The following ZSWIM5 variants were observed in gnomAD, a reference collection of about 807,000 sequenced individuals.
ZSWIM5 encodes zinc finger SWIM domain-containing protein 5.
In ZSWIM5, 55 loss-of-function variants were observed where a neutral mutation model predicts 119.6. The observed-to-expected ratio is 0.46, with a 90% CI of 0.37 to 0.58. The LOEUF is 0.58. Among genes scored for constraint, ZSWIM5 ranks in the 20% least tolerant of loss-of-function variants. ZSWIM5 has a pLI of 0.00. For missense variants in ZSWIM5, 1,193 were observed against 1,512.8 expected, an observed-to-expected ratio of 0.79 and a Z score of 3.51; for synonymous variants, 537 against 606.9, an observed-to-expected ratio of 0.88 and a Z score of 1.69.
chr1:45,174,375 C>T (rs1645963613), intron 1 of ZSWIM5, among the ~76,000 whole-genome samples: 1 of 151,922 alleles, frequency 6.6e-6, no homozygotes, highest in Admixed American at 6.6e-5. Context: ...AAAACATATT[C>T]TCTTAAACAA....
intron 1 of ZSWIM5, among the ~76,000 whole-genome samples, chr1:45,124,501 C>T (rs61788430): frequency 0.073 from 11,018 of 151,696 alleles, 491 homozygotes; most frequent in Non-Finnish European, 0.1. Flanking sequence ...AGATCAAAAT[C>T]GAATTCTAAA....
At chr1:45,183,608 A>G (rs1646036785) in intron 1 of ZSWIM5, among the ~76,000 whole-genome samples, 1 of 152,238 alleles carries the variant, frequency 6.6e-6, no homozygotes, top group Non-Finnish European at 1.5e-5. Flanking sequence ...CCATCAGAGA[A>G]TACTACAAAC....
At chr1:45,098,612 A>G (rs982671947) in intron 1 of ZSWIM5, among the ~76,000 whole-genome samples, 1 of 152,228 alleles carries the variant, frequency 6.6e-6, no homozygotes, top group South Asian at 2.1e-4. Context: ...TCAGCACCAC[A>G]TCGCACTTAT....
At position 45,050,032 on chromosome 1, in the gene ZSWIM5, G is replaced by A. The variant is rs188669203; in HGVS notation, c.1432+1042C>T. Reference sequence around the variant, plus strand: ...AAAATTTTCATGATTTCCTCCTTGAGACTGAAAATACCAATAGAGTTATTT... The same window carrying A: ...AAAATTTTCATGATTTCCTCCTTGAAACTGAAAATACCAATAGAGTTATTT... On this transcript the variant is annotated intron_variant, in intron 5 of 13. Coordinates refer to ENST00000359600, the MANE Select transcript of ZSWIM5 (RefSeq NM_020883.2). Among the ~76,000 whole-genome samples, 470 of 152,088 alleles carry A rather than the reference G, an allele frequency of 3.1e-3. 8 individuals carry two copies. The highest frequency in any genetic ancestry group is 1.1e-3 in the Non-Finnish European group (76 of 68,006).
chr1:45,035,894 T>C, intron 9 of ZSWIM5, 71 bp from the exon 10 acceptor site: 2 of 1,592,740 alleles, frequency 1.3e-6, no homozygotes, highest in Non-Finnish European at 1.7e-6. Context: ...TGAGCCCCAG[T>C]ATCTCATGCA....
At chr1:45,194,359 C>T (rs980458851) in intron 1 of ZSWIM5, among the ~76,000 whole-genome samples, 2 of 151,984 alleles carry the variant, frequency 1.3e-5, no homozygotes, top group African/African-American at 4.8e-5. Flanking sequence ...TATGTTTATA[C>T]CTAAAAGAAG....
At chr1:45,056,543 A>G (rs1320262422) in intron 4 of ZSWIM5, among the ~76,000 whole-genome samples, 1 of 151,886 alleles carries the variant, frequency 6.6e-6, no homozygotes, top group East Asian at 1.9e-4. Flanking sequence ...GCAGTGAGCC[A>G]AGACTGTGCC....
At chr1:45,153,108 A>G (rs1004772488) in intron 1 of ZSWIM5, among the ~76,000 whole-genome samples, 2 of 151,458 alleles carry the variant, frequency 1.3e-5, no homozygotes, top group Non-Finnish European at 2.9e-5. Flanking sequence ...AAAAAAAAAA[A>G]AAGAAAAAAG....
intron 3 of ZSWIM5, among the ~76,000 whole-genome samples, chr1:45,059,495 G>A (rs1269962452): frequency 6.6e-6 from 1 of 152,110 alleles, no homozygotes; most frequent in East Asian, 1.9e-4. Flanking sequence ...GGTTTCTTAG[G>A]GCTGAGGGAG....
At chr1:45,075,877 ATT>A (rs58309693) in intron 2 of ZSWIM5, among the ~76,000 whole-genome samples, 17 of 127,090 alleles carry the variant, frequency 1.3e-4, no homozygotes, top group South Asian at 5.0e-4. Context: ...TAGCTGTTGT[ATT>A]TTTTTTTTTT....
intron 1 of ZSWIM5, among the ~76,000 whole-genome samples, chr1:45,094,704 G>A (rs539413280): frequency 6.6e-6 from 1 of 152,106 alleles, no homozygotes; most frequent in Non-Finnish European, 1.5e-5. Context: ...TCCATGAAAA[G>A]TACAAAAAAT....
chr1:45,115,294 C>T (rs1275368548), intron 1 of ZSWIM5, among the ~76,000 whole-genome samples: 3 of 151,788 alleles, frequency 2.0e-5, no homozygotes, highest in African/African-American at 7.3e-5. Context: ...CCACCTCCCT[C>T]CTGGATGGGG....
chr1:45,107,125 G>A (rs80320780), intron 1 of ZSWIM5, among the ~76,000 whole-genome samples: 2 of 151,986 alleles, frequency 1.3e-5, no homozygotes, highest in African/African-American at 4.8e-5. Context: ...CTTTGTTCTC[G>A]TGTTTATCTG....
intron 1 of ZSWIM5, among the ~76,000 whole-genome samples, chr1:45,116,739 ACTTTTGTTTTTTTTT>A (rs1645560496): frequency 6.6e-6 from 1 of 152,196 alleles, no homozygotes; most frequent in East Asian, 1.9e-4. Context: ...ACTGTCTAGG[ACTTTTGTTTTTTTTT>A]AAAGGATGAT....
intron 1 of ZSWIM5, among the ~76,000 whole-genome samples, chr1:45,151,429 A>G (rs993243496): frequency 2.6e-5 from 4 of 152,084 alleles, no homozygotes; most frequent in African/African-American, 9.7e-5. Context: ...AATTTAGCCA[A>G]CAAATATTAA....
chr1:45,041,369 G>A (rs943058362), intron 6 of ZSWIM5, among the ~76,000 whole-genome samples: 1 of 152,056 alleles, frequency 6.6e-6, no homozygotes, highest in African/African-American at 2.4e-5. Flanking sequence ...ACAAATAGGT[G>A]AGTAACTATA....
At chr1:45,027,453 AG>A (rs1415543940) in intron 11 of ZSWIM5, among the ~76,000 whole-genome samples, 2 of 152,088 alleles carry the variant, frequency 1.3e-5, no homozygotes, top group Admixed American at 6.6e-5. Context: ...GCTGGAGTGC[AG>A]TGGCACGATC....
chr1:45,184,320 T>C (rs1646042909), intron 1 of ZSWIM5, among the ~76,000 whole-genome samples: 2 of 152,100 alleles, frequency 1.3e-5, no homozygotes, highest in Admixed American at 1.3e-4. Context: ...CTGGAAGCAT[T>C]CCCTTTGAAA....
At chr1:45,065,924 T>C (rs1645180304) in intron 2 of ZSWIM5, among the ~76,000 whole-genome samples, 1 of 151,970 alleles carries the variant, frequency 6.6e-6, no homozygotes, top group Admixed American at 6.6e-5. Flanking sequence ...AGGTTTGTTA[T>C]ATATGTATAC....
Sources: allele counts gnomAD v4.1 joint callset (sites outside exome capture counted in the v4.1 genomes callset), GRCh38; gene constraint gnomAD v4.1.1; transcripts MANE v1.5; gene names NCBI Gene and HGNC (gene_info 2026-07-23, HGNC 2026-07-21).